NRXN3: variants seen among roughly 807,000 people sequenced by gnomAD.
NRXN3 encodes the protein neurexin 3.
In NRXN3, 32 loss-of-function variants were observed where a neutral mutation model predicts 137.6. The ratio of observed to expected loss-of-function variants is 0.23; its 90% CI spans 0.18 to 0.31. The LOEUF (loss-of-function observed/expected upper bound fraction) is 0.31, where lower values mean the gene tolerates loss of function less well. Ranked by LOEUF, NRXN3 falls within the 10% of genes least tolerant of loss-of-function variation. The pLI, the probability that NRXN3 is intolerant of heterozygous loss-of-function variation, is 1.00. For missense variants in NRXN3, 1,574 were observed against 2,062.5 expected (o/e 0.76, Z 4.59); for synonymous variants, 798 against 784.5 (o/e 1.02, Z -0.29).
intron 10 of NRXN3, among the ~76,000 whole-genome samples, chr14:78,927,565 T>C (rs896084988): frequency 6.6e-6 from 1 of 152,170 alleles, no homozygotes; most frequent in Admixed American, 6.5e-5. Context: ...TCATACAGTG[T>C]TGAGAGTTTT....
At chr14:79,588,760 A>G (rs1055565941) in intron 16 of NRXN3, among the ~76,000 whole-genome samples, 1 of 152,204 alleles carries the variant, frequency 6.6e-6, no homozygotes, top group Non-Finnish European at 1.5e-5. Flanking sequence ...CAAAGCAAAT[A>G]TGCTTTGAGT....
intron 10 of NRXN3, among the ~76,000 whole-genome samples, chr14:78,845,100 T>G (rs2099022986): frequency 6.6e-6 from 1 of 152,070 alleles, no homozygotes; most frequent in Non-Finnish European, 1.5e-5. Flanking sequence ...TTGGCTAAAT[T>G]AAAATATAAA....
At chr14:79,793,416 A>AAAAAAC (rs369733297) in intron 19 of NRXN3, among the ~76,000 whole-genome samples, 21 of 152,172 alleles carry the variant, frequency 1.4e-4, no homozygotes, top group African/African-American at 2.4e-4. Flanking sequence ...CTCCGTCTCA[A>AAAAAAC]AAAAACAAAA....
intron 11 of NRXN3, among the ~76,000 whole-genome samples, chr14:78,963,068 C>T (rs1013291155): frequency 1.3e-5 from 2 of 152,110 alleles, no homozygotes; most frequent in African/African-American, 4.8e-5. Flanking sequence ...CCTGAACTCC[C>T]AGTTTGTGTT....
At chr14:79,345,372 C>T (rs1180745091) in intron 15 of NRXN3, among the ~76,000 whole-genome samples, 4 of 152,166 alleles carry the variant, frequency 2.6e-5, no homozygotes, top group South Asian at 2.1e-4. Flanking sequence ...ATTGATATTA[C>T]ACCGATTCTG....
chr14:78,954,379 C>A (rs1359897562), intron 10 of NRXN3, among the ~76,000 whole-genome samples: 2 of 151,394 alleles, frequency 1.3e-5, no homozygotes, highest in Non-Finnish European at 2.9e-5. Flanking sequence ...GGATGTGAAT[C>A]TTTTTTTTTC....
intron 16 of NRXN3, among the ~76,000 whole-genome samples, chr14:79,597,317 A>G (rs2153829852): frequency 6.6e-6 from 1 of 152,226 alleles, no homozygotes; most frequent in South Asian, 2.1e-4. Flanking sequence ...CTGTTATGAG[A>G]TTTGTTTTGT....
intron 16 of NRXN3, among the ~76,000 whole-genome samples, chr14:79,473,688 T>C (rs2096534767): frequency 6.6e-6 from 1 of 152,200 alleles, no homozygotes; most frequent in Admixed American, 6.5e-5. Flanking sequence ...AGATGCAATT[T>C]CGTTTCCCAT....
intron 15 of NRXN3, among the ~76,000 whole-genome samples, chr14:79,163,638 A>G (rs554547496): frequency 3.9e-5 from 6 of 151,924 alleles, no homozygotes; most frequent in African/African-American, 1.4e-4. Context: ...ATTCCTCCAT[A>G]TTATTTAATT....
At chr14:78,831,756 T>A (rs1039380016) in intron 10 of NRXN3, among the ~76,000 whole-genome samples, 85 of 152,214 alleles carry the variant, frequency 5.6e-4, no homozygotes, top group East Asian at 1.7e-3. Context: ...CAGTTTTTTT[T>A]AATAAATAGT....
At chr14:79,754,561 T>TGC (rs2099012331) in intron 19 of NRXN3, among the ~76,000 whole-genome samples, 1 of 38,706 alleles carries the variant, frequency 2.6e-5, no homozygotes, top group Non-Finnish European at 5.5e-5. Context: ...TATATATATA[T>TGC]ATGCACACAT....
intron 15 of NRXN3, among the ~76,000 whole-genome samples, chr14:79,444,058 T>A (rs548753528): frequency 6.6e-6 from 1 of 152,260 alleles, no homozygotes; most frequent in East Asian, 1.9e-4. Context: ...GATGAAGGGA[T>A]GAAAATAAAT....
intron 3 of NRXN3, among the ~76,000 whole-genome samples, chr14:78,287,978 G>T (rs1284766612): frequency 1.3e-5 from 2 of 151,866 alleles, no homozygotes; most frequent in Admixed American, 6.6e-5. Flanking sequence ...GTGGTCTCAG[G>T]ACTCCCCCTT....
In NRXN3 at chr14:78,367,885, T is replaced by C. The variant is rs1418445833; in HGVS notation, c.757+70025T>C. Among the ~76,000 whole-genome samples the C allele has an allele frequency of 2.0e-5, 3 of 152,202 alleles. No homozygotes were observed. In the East Asian group the frequency reaches 5.8e-4, roughly 29 times the overall value. ...AAGCTGTGGGAGAAAGATGGGTACT[T>C]ATTGTAATACTTTAAAGACAAATAT... On this transcript the variant is annotated intron_variant, in intron 4 of 20. Coordinates refer to ENST00000335750, the MANE Select transcript of NRXN3 (RefSeq NM_001330195.2).
intron 16 of NRXN3, among the ~76,000 whole-genome samples, chr14:79,540,546 T>G (rs554997350): frequency 6.6e-6 from 1 of 152,298 alleles, no homozygotes; most frequent in East Asian, 1.9e-4. Context: ...AACTGTAACT[T>G]TGTACCTGTT....
chr14:78,600,770 C>A (rs2097195657), intron 4 of NRXN3, among the ~76,000 whole-genome samples: 1 of 152,214 alleles, frequency 6.6e-6, no homozygotes, highest in South Asian at 2.1e-4. Context: ...CCCACAAGAA[C>A]CTCAAACAAC....
chr14:78,971,441 TAC>T (rs35943996), intron 14 of NRXN3, among the ~76,000 whole-genome samples: 6,778 of 142,528 alleles, frequency 0.048, 535 homozygotes, highest in African/African-American at 0.17. Flanking sequence ...TATATATATA[TAC>T]ACACACACAC....
chr14:78,562,215 G>C (rs191317951), intron 4 of NRXN3, among the ~76,000 whole-genome samples: 1 of 152,086 alleles, frequency 6.6e-6, no homozygotes, highest in Non-Finnish European at 1.5e-5. Flanking sequence ...TGGCCAACAT[G>C]ATGAAACCCA....
intron 8 of NRXN3, among the ~76,000 whole-genome samples, chr14:78,800,743 T>C (rs998619982): frequency 1.3e-5 from 2 of 152,208 alleles, no homozygotes; most frequent in Admixed American, 6.5e-5. Context: ...GACCCTTCAA[T>C]GTGGTCTGCC....
Sources: gnomAD v4.1 joint callset for allele counts (sites outside exome capture counted in the v4.1 genomes callset) on GRCh38, gnomAD v4.1.1 for gene constraint, MANE v1.5 for transcripts, NCBI Gene and HGNC (gene_info 2026-07-23, HGNC 2026-07-21) for gene names.